GPHN: variants seen among roughly 807,000 people sequenced by gnomAD.
The protein encoded by GPHN is gephyrin.
Under a neutral mutation model 95.5 loss-of-function variants are expected in GPHN, and 17 were observed. The observed-to-expected ratio is 0.18, with a 90% CI of 0.12 to 0.27. The LOEUF (loss-of-function observed/expected upper bound fraction) is 0.27, where lower values mean the gene tolerates loss of function less well. Ranked by LOEUF, GPHN falls within the 10% of genes least tolerant of loss-of-function variation. GPHN has a pLI of 1.00. For missense variants in GPHN, 660 were observed against 978.1 expected (o/e 0.67, Z 4.34); for synonymous variants, 320 against 322.5 (o/e 0.99, Z 0.08).
Position 66,739,520 on chromosome 14 carries a change from CT to C in GPHN, c.144-36926del, listed in dbSNP as rs556885727. 2.3e-3 allele frequency among the ~76,000 whole-genome samples: 309 copies of C among 135,170 alleles called. 2 individuals are homozygous for C. The highest frequency in any genetic ancestry group is 3.9e-3 in the Middle Eastern group (1 of 258). 88.7% of individuals were successfully genotyped at this position (135,170 alleles called of 152,430 possible). On this transcript the variant is annotated intron_variant, in intron 2 of 22. Coordinates refer to ENST00000478722, the MANE Select transcript of GPHN (RefSeq NM_020806.5). ...CGTGAGCCACCACCCCCGGCCCCTG[CT>C]TTTTTTTTTTTTTTTTTAAACAAAA...
chr14:67,288,416 A>G, the GPHN span, among the ~76,000 whole-genome samples: 1 of 152,094 alleles, frequency 6.6e-6, no homozygotes, highest in Non-Finnish European at 1.5e-5. Flanking sequence ...AAGACCTTGC[A>G]AGGCATGGCT....
intron 9 of GPHN, among the ~76,000 whole-genome samples, chr14:66,979,163 TA>T (rs1191542255): frequency 6.6e-6 from 1 of 152,220 alleles, no homozygotes; most frequent in Admixed American, 6.5e-5. Context: ...GAATGGTCAC[TA>T]ATCATCGGCT....
At chr14:67,067,648 G>A (rs933534436) in intron 11 of GPHN, among the ~76,000 whole-genome samples, 2 of 152,192 alleles carry the variant, frequency 1.3e-5, no homozygotes, top group African/African-American at 2.4e-5. Context: ...ACCTACTCAA[G>A]CCTCAGCAAT....
chr14:66,577,591 A>G (rs1421386959), intron 1 of GPHN, among the ~76,000 whole-genome samples: 1 of 152,274 alleles, frequency 6.6e-6, no homozygotes, highest in African/African-American at 2.4e-5. Context: ...ATATCTGTAC[A>G]CCTACATTAA....
the GPHN span, among the ~76,000 whole-genome samples, chr14:67,534,970 A>G: frequency 6.6e-6 from 1 of 152,250 alleles, no homozygotes; most frequent in Non-Finnish European, 1.5e-5. Context: ...ATGTCCATCA[A>G]TAAGGAACCC....
At chr14:67,361,838 C>T in the GPHN span, among the ~76,000 whole-genome samples, 1 of 152,162 alleles carries the variant, frequency 6.6e-6, no homozygotes, top group Non-Finnish European at 1.5e-5. Context: ...TTAGCTCCTA[C>T]GCTAGTACTT....
At chr14:67,458,042 C>T in the GPHN span, among the ~76,000 whole-genome samples, 4 of 152,140 alleles carry the variant, frequency 2.6e-5, no homozygotes, top group Non-Finnish European at 5.9e-5. Flanking sequence ...CAGCCAGGAG[C>T]GGGAATTGAA....
chr14:66,987,987 G>A (rs1474054185), intron 9 of GPHN, among the ~76,000 whole-genome samples: 1 of 152,016 alleles, frequency 6.6e-6, no homozygotes, highest in Non-Finnish European at 1.5e-5. Flanking sequence ...CAATGTGAAA[G>A]GATACTCTCT....
intron 1 of GPHN, among the ~76,000 whole-genome samples, chr14:66,653,071 C>T (rs1185918387): frequency 6.6e-6 from 1 of 152,134 alleles, no homozygotes; most frequent in East Asian, 1.9e-4. Context: ...TCACTTACAC[C>T]TTTCTTAGGA....
At chr14:67,268,411 T>G in the GPHN span, among the ~76,000 whole-genome samples, 2 of 152,130 alleles carry the variant, frequency 1.3e-5, no homozygotes, top group Admixed American at 1.3e-4. Flanking sequence ...GGCAAGTCCA[T>G]AGAGTAAAAT....
the GPHN span, chr14:67,376,384 C>T: frequency 2.0e-6 from 3 of 1,485,122 alleles, no homozygotes; most frequent in Admixed American, 2.3e-5. Context: ...AATGTAAAAA[C>T]ATTTTTTATA....
chr14:67,580,835 T>G, the GPHN span: 1 of 730,816 alleles, frequency 1.4e-6, no homozygotes, highest in Non-Finnish European at 2.4e-6. Flanking sequence ...GACTTTTCCT[T>G]AGTTTTCTTT....
chr14:66,509,835 T>TTATTATTAGGTAGAAAAAAAATGTCTGA (rs2057969349), intron 1 of GPHN, among the ~76,000 whole-genome samples: 1 of 152,076 alleles, frequency 6.6e-6, no homozygotes, highest in Non-Finnish European at 1.5e-5. Flanking sequence ...AGACTTGCTT[T>TTATTATTAGGTAGAAAAAAAATGTCTGA]TATTATTAGG....
At chr14:66,654,336 C>G (rs939057892) in intron 1 of GPHN, among the ~76,000 whole-genome samples, 3 of 152,028 alleles carry the variant, frequency 2.0e-5, no homozygotes, top group Non-Finnish European at 2.9e-5. Context: ...CTCAAGTGAT[C>G]CGCCTGCCTC....
chr14:67,693,070 G>A, the GPHN span: 1 of 1,558,520 alleles, frequency 6.4e-7, no homozygotes, highest in Non-Finnish European at 8.8e-7. Flanking sequence ...CAGAGAAGGA[G>A]AGCTCATCAA....
the GPHN span, chr14:67,588,863 C>T: frequency 6.6e-6 from 1 of 152,622 alleles, no homozygotes; most frequent in Non-Finnish European, 1.5e-5. Flanking sequence ...TCTCTCACCC[C>T]GTAAACTGAC....
chr14:67,056,943 G>A (rs955633924), intron 10 of GPHN, among the ~76,000 whole-genome samples: 3 of 152,184 alleles, frequency 2.0e-5, no homozygotes, highest in East Asian at 3.9e-4. Flanking sequence ...CACACCCTCC[G>A]CAGCTGCTGG....
At chr14:67,677,516 T>G in the GPHN span, 1 of 152,028 alleles carries the variant, frequency 6.6e-6, no homozygotes, top group African/African-American at 2.4e-5. Context: ...CTTAAAGGGC[T>G]AGTTAATCCT....
chr14:66,798,985 G>C (rs989547149), intron 3 of GPHN, among the ~76,000 whole-genome samples: 1 of 151,670 alleles, frequency 6.6e-6, no homozygotes, highest in Admixed American at 6.6e-5. Context: ...TGCTTTTGCT[G>C]TATCCCATAG....
Sources: allele counts gnomAD v4.1 joint callset (sites outside exome capture counted in the v4.1 genomes callset), GRCh38; gene constraint gnomAD v4.1.1; transcripts MANE v1.5; gene names NCBI Gene and HGNC (gene_info 2026-07-23, HGNC 2026-07-21).